The following MDGA2 variants were observed in gnomAD, a reference collection of about 807,000 sequenced individuals.
MDGA2 encodes the protein MAM domain containing glycosylphosphatidylinositol anchor 2.
MDGA2 carries 40 observed loss-of-function variants against 117.8 expected under a neutral mutation model. The ratio of observed to expected loss-of-function variants is 0.34; its 90% CI spans 0.26 to 0.44. MDGA2 has a LOEUF of 0.44. Among genes scored for constraint, MDGA2 ranks in the 20% least tolerant of loss-of-function variants. The pLI is 1.00. For missense variants in MDGA2, 1,123 were observed against 1,250.6 expected (o/e 0.90, Z 1.54); for synonymous variants, 452 against 439.0 (o/e 1.03, Z -0.37).
At chr14:47,403,678 G>A (rs919396452) in intron 1 of MDGA2, among the ~76,000 whole-genome samples, 1 of 152,082 alleles carries the variant, frequency 6.6e-6, no homozygotes, top group East Asian at 1.9e-4. Flanking sequence ...CAGTTCAAAT[G>A]GAGTTTGAAT....
intron 8 of MDGA2, among the ~76,000 whole-genome samples, chr14:46,978,163 T>C (rs999453481): frequency 6.6e-6 from 1 of 151,966 alleles, no homozygotes; most frequent in Non-Finnish European, 1.5e-5. Context: ...ATGATTATAA[T>C]TCCAGTAGCT....
intron 8 of MDGA2, among the ~76,000 whole-genome samples, chr14:47,022,244 C>G (rs1888312491): frequency 1.3e-5 from 2 of 152,128 alleles, no homozygotes; most frequent in South Asian, 4.1e-4. Flanking sequence ...CATCACCATG[C>G]CTGGCTAATT....
intron 9 of MDGA2, among the ~76,000 whole-genome samples, chr14:46,938,541 A>C (rs1432567027): frequency 3.1e-4 from 34 of 108,446 alleles, no homozygotes; most frequent in Non-Finnish European, 5.7e-4. Flanking sequence ...AATCCATCTC[A>C]AAAAAAAAAA....
chr14:47,351,902 AACAC>A (rs35860893), intron 1 of MDGA2, among the ~76,000 whole-genome samples: 27,231 of 148,330 alleles, frequency 0.18, 2,533 homozygotes, highest in South Asian at 0.32. Flanking sequence ...CTCTAAATTA[AACAC>A]ACACACACAC....
chr14:47,352,527 T>C (rs997753402), intron 1 of MDGA2, among the ~76,000 whole-genome samples: 1 of 152,214 alleles, frequency 6.6e-6, no homozygotes, highest in Non-Finnish European at 1.5e-5. Flanking sequence ...ACACAAAGCC[T>C]GTTTGGTGGT....
intron 2 of MDGA2, among the ~76,000 whole-genome samples, chr14:47,233,948 T>A (rs1490011314): frequency 2.0e-5 from 3 of 152,044 alleles, no homozygotes; most frequent in Non-Finnish European, 4.4e-5. Context: ...GGTGACACAA[T>A]TGAAACTATT....
intron 8 of MDGA2, chr14:46,996,389 C>T (rs1887292628): frequency 1.3e-5 from 2 of 152,184 alleles, no homozygotes; most frequent in South Asian, 4.1e-4. Context: ...GAACCACAAC[C>T]AAGATGTGGA....
intron 6 of MDGA2, among the ~76,000 whole-genome samples, chr14:47,064,959 A>T (rs1183373733): frequency 1.3e-5 from 2 of 152,092 alleles, no homozygotes; most frequent in Non-Finnish European, 2.9e-5. Context: ...GAACTAAACA[A>T]ATTCTATGGA....
chr14:47,370,263 C>A (rs1357519124), intron 1 of MDGA2, among the ~76,000 whole-genome samples: 1 of 148,448 alleles, frequency 6.7e-6, no homozygotes, highest in African/African-American at 2.5e-5. Flanking sequence ...GAGAAAATAA[C>A]AAATAATTAC....
Position 46,920,159 on chromosome 14 carries a change from T to G in MDGA2, c.2091A>C (p.Gly697=). 1 of 1,606,012 alleles carries G rather than the reference T, an allele frequency of 6.2e-7. No individual in the cohort carries two copies. Among genetic ancestry groups the G allele is most frequent in the Non-Finnish European group, 8.5e-7 (1 of 1,177,164 alleles). ...AATAGAATTCTGGAGCATAGGCCTT[T>G]CCTGAAAACAGAAAGTGTGCTTAAA... is the stretch of plus-strand genomic sequence containing the variant. The part of the protein sequence containing the change: ...GAGRCSFLVT[G]KAYAPEFYYD... The change falls in exon 10 of 17, where the codon GGA becomes GGC. Residue 697 remains glycine, a splice_region_variant and synonymous_variant. Transcript: ENST00000399232.
chr14:47,666,825 C>A (rs2138308531), intron 1 of MDGA2, among the ~76,000 whole-genome samples: 1 of 152,286 alleles, frequency 6.6e-6, no homozygotes, highest in East Asian at 1.9e-4. Context: ...CTGCGAAGGT[C>A]TACACAGCTT....
chr14:47,444,313 C>G (rs1893076756), intron 1 of MDGA2: 1 of 157,558 alleles, frequency 6.3e-6, no homozygotes, highest in South Asian at 1.8e-4. Flanking sequence ...ATTCGCAGCT[C>G]TTTTCCCAGC....
At chr14:47,488,918 G>T (rs1191676263) in intron 1 of MDGA2, among the ~76,000 whole-genome samples, 1 of 151,588 alleles carries the variant, frequency 6.6e-6, no homozygotes, top group Non-Finnish European at 1.5e-5. Flanking sequence ...TCATATAACA[G>T]GTAAGACAAA....
intron 1 of MDGA2, among the ~76,000 whole-genome samples, chr14:47,579,708 C>T (rs12887887): frequency 6.6e-6 from 1 of 151,728 alleles, no homozygotes; most frequent in South Asian, 2.1e-4. Flanking sequence ...TGGAAGACAT[C>T]TAAAAATAAT....
chr14:46,877,556 C>G, intron 11 of MDGA2, 47 bp from the exon 12 acceptor site: 1 of 1,380,820 alleles, frequency 7.2e-7, no homozygotes, highest in African/African-American at 1.4e-5. Flanking sequence ...ACAATGTTAG[C>G]ATGGCTTGAA....
chr14:47,105,115 T>G (rs1025724975), intron 5 of MDGA2, among the ~76,000 whole-genome samples: 1 of 151,698 alleles, frequency 6.6e-6, no homozygotes, highest in Non-Finnish European at 1.5e-5. Context: ...GGACGCCGCC[T>G]TGGTCCTTCA....
At chr14:47,512,779 T>C (rs903356145) in intron 1 of MDGA2, among the ~76,000 whole-genome samples, 5 of 152,234 alleles carry the variant, frequency 3.3e-5, no homozygotes, top group Admixed American at 6.5e-5. Flanking sequence ...TCAGCCATCT[T>C]TGAGCTAGAT....
chr14:47,461,454 G>A (rs1429545314), intron 1 of MDGA2, among the ~76,000 whole-genome samples: 1 of 152,130 alleles, frequency 6.6e-6, no homozygotes, highest in South Asian at 2.1e-4. Context: ...AAATAACAAC[G>A]AAGAACATGT....
Position 47,099,020 on chromosome 14 carries a change from T to TA in MDGA2, c.926-1898dup, listed in dbSNP as rs527797931. Reference sequence around the variant, plus strand: ...TTTAGAACTACCTTCACAACATTGTTAAAAATGTTTTCTTCCAAATTTGAC... The same window carrying TA: ...TTTAGAACTACCTTCACAACATTGTTAAAAAATGTTTTCTTCCAAATTTGAC... On this transcript the variant is annotated intron_variant, in intron 5 of 16. Transcript: ENST00000399232. Among the ~76,000 whole-genome samples the TA allele has an allele frequency of 7.9e-4, 120 of 152,076 alleles. 1 individual carries two copies. The highest frequency in any genetic ancestry group is 2.7e-3 in the African/African-American group (114 of 41,562).
Sources: allele counts gnomAD v4.1 joint callset (sites outside exome capture counted in the v4.1 genomes callset), GRCh38; gene constraint gnomAD v4.1.1; transcripts MANE v1.5; gene names NCBI Gene and HGNC (gene_info 2026-07-23, HGNC 2026-07-21).